The following ATG2B variants were observed in gnomAD, a reference collection of about 807,000 sequenced individuals.
ATG2B encodes autophagy-related protein 2 homolog B.
ATG2B carries 121 observed loss-of-function variants against 241.3 expected under a neutral mutation model. The ratio of observed to expected loss-of-function variants is 0.50; its 90% confidence interval spans 0.43 to 0.58. ATG2B has a LOEUF of 0.58. ATG2B is among the 20% of genes least tolerant of loss of function. The pLI is 0.00. For synonymous variants in ATG2B, 858 were observed against 876.6 expected, an observed-to-expected ratio of 0.98 and a Z score of 0.37; for missense variants, 2,306 against 2,491.6, an observed-to-expected ratio of 0.93 and a Z score of 1.59.
intron 1 of ATG2B, among the ~76,000 whole-genome samples, chr14:96,361,682 T>C (rs912838992): frequency 6.6e-6 from 1 of 152,050 alleles, no homozygotes; most frequent in African/African-American, 2.4e-5. Context: ...CTAAGTCCAT[T>C]ATCACTCGGC....
At position 96,323,960 on chromosome 14, in the gene ATG2B, A is replaced by G. The variant is rs375972006; in HGVS notation, c.2476T>C (p.Phe826Leu). 1 of 1,610,614 alleles carries G rather than the reference A, an allele frequency of 6.2e-7. No individual in the cohort carries two copies. The highest frequency in any genetic ancestry group is 8.5e-7 in the Non-Finnish European group (1 of 1,179,102). The part of the protein sequence containing the change: ...QEEKGDPSIK[F>L]FHVSSGVDGD... ...TCTACTCCACTAGACACATGGAAAA[A>G]CTTAATAGATGGATCTCCTTTCTCT... Residue 826 changes from phenylalanine (F) to leucine (L), a missense_variant, in exon 16 of 42, where the codon TTT becomes CTT. This residue lies in a region of ATG2B where 1,927 missense variants were observed against 2,011.2 expected (regional missense o/e 0.96). Coordinates refer to ENST00000359933, the MANE Select transcript of ATG2B (RefSeq NM_018036.7).
chr14:96,351,901 C>CAAAA (rs35331211), intron 1 of ATG2B, among the ~76,000 whole-genome samples: 1 of 130,816 alleles, frequency 7.6e-6, no homozygotes, highest in Non-Finnish European at 1.6e-5. Flanking sequence ...GACCTTGTCT[C>CAAAA]AAAAAAAAAA....
intron 8 of ATG2B, 113 bp from the exon 9 acceptor site, chr14:96,332,768 C>T (rs573154419): frequency 2.6e-6 from 2 of 760,666 alleles, no homozygotes; most frequent in South Asian, 5.5e-5. Context: ...TGAGATACAG[C>T]GATGCCCCAA....
chr14:96,317,724 C>T lies in ATG2B; in HGVS notation c.3011G>A (p.Ser1004Asn). 6.2e-7 allele frequency: 1 copy of T among 1,610,660 alleles called. No individual in the cohort carries two copies. The highest frequency in any genetic ancestry group is 1.3e-5 in the African/African-American group (1 of 74,946). The change falls in exon 19 of 42, where the codon AGT (serine) becomes AAT (asparagine). Residue 1004 changes from serine to asparagine, a missense_variant. By Grantham distance (46) the Ser-to-Asn change is conservative (BLOSUM62 1). This residue lies in a region of ATG2B where 1,927 missense variants were observed against 2,011.2 expected (regional missense o/e 0.96). Coordinates refer to ENST00000359933, the MANE Select transcript of ATG2B (RefSeq NM_018036.7). ...LINTFNKDSF[S>N]AFKSAVHYDE... ...ATAGTGAACTGCAGATTTAAATGCA[C>T]TAAAACTATCTTTGTTGAAAGTATT...
At chr14:96,313,301 C>T (rs897710268) in intron 24 of ATG2B, 28 bp downstream of exon 24, 1 of 1,485,760 alleles carries the variant, frequency 6.7e-7, no homozygotes, top group Non-Finnish European at 9.2e-7. Context: ...TTAAATAAAA[C>T]TTTATTTTGT....
intron 18 of ATG2B, among the ~76,000 whole-genome samples, chr14:96,319,044 G>C (rs1259191912): frequency 6.6e-6 from 1 of 152,214 alleles, no homozygotes; most frequent in Non-Finnish European, 1.5e-5. Context: ...CCAAAACCCA[G>C]ACTCATCGTA....
At chr14:96,301,610 A>G (rs1886792854) in intron 34 of ATG2B, among the ~76,000 whole-genome samples, 1 of 152,162 alleles carries the variant, frequency 6.6e-6, no homozygotes, top group Non-Finnish European at 1.5e-5. Context: ...CAATTTACTC[A>G]TTTGTCATTT....
intron 23 of ATG2B, 47 bp from the exon 24 acceptor site, chr14:96,313,482 G>A (rs755374455): frequency 5.7e-6 from 6 of 1,043,532 alleles, no homozygotes; most frequent in Middle Eastern, 5.2e-4. Context: ...AGAAAAAAAA[G>A]GTTTCATATA....
intron 6 of ATG2B, among the ~76,000 whole-genome samples, chr14:96,335,023 AG>A (rs1338355711): frequency 2.0e-5 from 3 of 152,196 alleles, no homozygotes; most frequent in Admixed American, 6.5e-5. Context: ...TCTGCATGCA[AG>A]GGGACGCCAC....
chr14:96,292,085 T>G lies in ATG2B; in HGVS notation c.5440A>C (p.Thr1814Pro), dbSNP rs776436195. 2 of 1,589,538 alleles carry G rather than the reference T, an allele frequency of 1.3e-6. No individual in the cohort carries two copies. The highest frequency in any genetic ancestry group is 4.6e-5 in the East Asian group (2 of 43,756). The change falls in exon 37 of 42, where the codon ACG (threonine) becomes CCG (proline). Residue 1814 changes from threonine (T) to proline (P), a missense_variant. By Grantham distance (38) the Thr-to-Pro change is conservative (BLOSUM62 -1). This residue lies in a region of ATG2B where 379 missense variants were observed against 480.4 expected (regional missense o/e 0.79). Transcript: ENST00000359933. Reference sequence around the variant, plus strand: ...TCAAGTCGAATGGGAACTTCTGACGTGAATCTAAATTCTCTGAAGATAAAG... The same window carrying G: ...TCAAGTCGAATGGGAACTTCTGACGGGAATCTAAATTCTCTGAAGATAAAG... ...QPVFFREFRF[T>P]SEVPIRLDYH...
chr14:96,298,083 C>A (rs1015003361), intron 34 of ATG2B, among the ~76,000 whole-genome samples: 8 of 152,060 alleles, frequency 5.3e-5, no homozygotes, highest in Non-Finnish European at 7.4e-5. Context: ...GCATGAGTAA[C>A]CCGCACCCGA....
At chr14:96,295,683 G>T in intron 34 of ATG2B, 123 bp from the exon 35 acceptor site, 23 of 513,300 alleles carry the variant, frequency 4.5e-5, no homozygotes, top group East Asian at 7.7e-5. Flanking sequence ...ACAATTTATT[G>T]AATTCTTTCT....
intron 12 of ATG2B, among the ~76,000 whole-genome samples, chr14:96,329,156 C>T (rs138407217): frequency 7.1e-4 from 108 of 152,262 alleles, no homozygotes; most frequent in African/African-American, 2.6e-3. Flanking sequence ...TAGCACACAG[C>T]AGGCATTCGA....
At position 96,280,492 on chromosome 14, in the gene ATG2B, G is replaced by A. The variant is rs770064426; in HGVS notation, c.*5263C>T. 11 of 152,154 alleles carry A rather than the reference G, an allele frequency of 7.2e-5. No individual in the cohort carries two copies. Among genetic ancestry groups the A allele is most frequent in the Non-Finnish European group, 1.3e-4 (9 of 68,042 alleles). 9.4% of individuals were successfully genotyped at this position (152,154 alleles called of 1,614,324 possible). ...CATCCCTTTTTTCAACAAGAGCCAT[G>A]GGTGAAGTGTGACTTGTCATTTTTT... is the stretch of plus-strand genomic sequence containing the variant. On this transcript the variant is annotated 3_prime_UTR_variant, in exon 42 of 42. Coordinates refer to ENST00000359933, the MANE Select transcript of ATG2B (RefSeq NM_018036.7).
chr14:96,313,183 C>T (rs1820882649), intron 24 of ATG2B, 26 bp from the exon 25 acceptor site: 1 of 1,550,548 alleles, frequency 6.4e-7, no homozygotes, highest in Admixed American at 1.7e-5. Context: ...AACAAAAGAA[C>T]ATCAGTTTGA....
rs1364092961 is a variant in ATG2B, at chr14:96,282,200, C to G, written c.*3555G>C. ...ATCTATAAACTATACAAATAACCTT[C>G]CTTTTTAACCTAAGACTCAAACATT... On this transcript the variant is annotated 3_prime_UTR_variant, in exon 42 of 42. Transcript: ENST00000359933. 6.6e-6 allele frequency: 1 copy of G among 152,342 alleles called. No homozygotes were observed. The highest frequency in any genetic ancestry group is 1.9e-4 in the East Asian group (1 of 5,188). The allele number at this position is 152,342 out of a possible 1,614,324, so 9.4% of individuals were successfully genotyped here. A position where few individuals can be genotyped will look rare whatever the true frequency, so the allele number is the denominator to read the frequency against.
At chr14:96,311,422 AT>A in intron 27 of ATG2B, 119 bp downstream of exon 27, 3 of 1,159,788 alleles carry the variant, frequency 2.6e-6, no homozygotes, top group Middle Eastern at 5.8e-4. Flanking sequence ...AAATAAATCC[AT>A]TTTTAATATA....
chr14:96,294,212 G>C (rs1053115344), intron 36 of ATG2B, among the ~76,000 whole-genome samples: 3 of 152,202 alleles, frequency 2.0e-5, no homozygotes, highest in African/African-American at 7.2e-5. Flanking sequence ...GAGAAAGAGA[G>C]AAATCAGCAA....
In ATG2B at chr14:96,332,530, G is replaced by A. The variant is rs1887765565; in HGVS notation, c.1333C>T (p.Pro445Ser). ...GTAGCACTTAATGGAGATCCTGCTG[G>A]GGTATTTGTATATGTACTAGTTAAT... is the stretch of plus-strand genomic sequence containing the variant. ...LSLTSTYTNTPAGSPLSATVL... is the reference protein window; with the variant it reads ...LSLTSTYTNTSAGSPLSATVL... The change falls in exon 9 of 42, where the codon CCA (proline) becomes TCA (serine). Residue 445 changes from proline (P) to serine (S), a missense_variant. Physicochemically the swap from Pro to Ser is moderately conservative, Grantham distance 74. Coordinates refer to ENST00000359933, the MANE Select transcript of ATG2B (RefSeq NM_018036.7). The A allele has an allele frequency of 2.5e-6, 4 of 1,610,406 alleles. No individual in the cohort carries two copies. Among genetic ancestry groups the A allele is most frequent in the Non-Finnish European group, 3.4e-6 (4 of 1,178,712 alleles).
Sources: allele counts gnomAD v4.1 joint callset (sites outside exome capture counted in the v4.1 genomes callset), GRCh38; gene constraint gnomAD v4.1.1; regional missense constraint gnomAD v4.1.1; transcripts MANE v1.5; gene names NCBI Gene and HGNC (gene_info 2026-07-23, HGNC 2026-07-21).